Variants in CCSER1 observed in about 807,000 individuals in gnomAD.
CCSER1 encodes serine-rich coiled-coil domain-containing protein 1.
In CCSER1, 41 loss-of-function variants were observed where a neutral mutation model predicts 82.0. The ratio of observed to expected loss-of-function variants is 0.50; its 90% CI spans 0.39 to 0.65. The LOEUF (loss-of-function observed/expected upper bound fraction) is 0.65, where lower values mean the gene tolerates loss of function less well. Ranked by LOEUF, CCSER1 falls within the 30% of genes least tolerant of loss-of-function variation. CCSER1 has a pLI of 0.00. For synonymous variants in CCSER1, 414 were observed against 383.9 expected, an observed-to-expected ratio of 1.08 and a Z score of -0.92; for missense variants, 1,119 against 1,064.2, an observed-to-expected ratio of 1.05 and a Z score of -0.72.
At chr4:90,988,371 A>AAGAACAAG (rs1340081957) in intron 9 of CCSER1, among the ~76,000 whole-genome samples, 9 of 149,564 alleles carry the variant, frequency 6.0e-5, no homozygotes, top group Non-Finnish European at 1.2e-4. Flanking sequence ...AAAGAAAGAA[A>AAGAACAAG]AGAACAAGCT....
chr4:91,522,455 A>T (rs545806574), intron 10 of CCSER1, among the ~76,000 whole-genome samples: 1 of 152,264 alleles, frequency 6.6e-6, no homozygotes, highest in African/African-American at 2.4e-5. Flanking sequence ...TCTATAAATT[A>T]CCTTGGGCAG....
At chr4:90,176,954 G>A (rs1047821299) in intron 1 of CCSER1, among the ~76,000 whole-genome samples, 1 of 152,046 alleles carries the variant, frequency 6.6e-6, no homozygotes, top group African/African-American at 2.4e-5. Context: ...ACATGAGTTA[G>A]CATTACACTA....
At chr4:91,456,320 G>A (rs1214851580) in intron 10 of CCSER1, among the ~76,000 whole-genome samples, 1 of 152,004 alleles carries the variant, frequency 6.6e-6, no homozygotes, top group Non-Finnish European at 1.5e-5. Flanking sequence ...CTATCACAGA[G>A]GGGCTAGGGT....
intron 10 of CCSER1, among the ~76,000 whole-genome samples, chr4:91,176,835 G>C (rs950099542): frequency 5.3e-5 from 8 of 152,068 alleles, no homozygotes; most frequent in Admixed American, 5.2e-4. Flanking sequence ...TGATTGCCCT[G>C]GCCAGAACTT....
At chr4:90,839,300 A>C (rs1464486711) in intron 8 of CCSER1, among the ~76,000 whole-genome samples, 1 of 152,246 alleles carries the variant, frequency 6.6e-6, no homozygotes, top group East Asian at 1.9e-4. Flanking sequence ...AGATAAGTTT[A>C]TCAAACGTGT....
chr4:91,533,439 T>C (rs566116065), intron 10 of CCSER1, among the ~76,000 whole-genome samples: 20 of 152,300 alleles, frequency 1.3e-4, no homozygotes, highest in Admixed American at 7.9e-4. Flanking sequence ...GTTTCTTCTT[T>C]ATCCTTCCCA....
intron 4 of CCSER1, among the ~76,000 whole-genome samples, chr4:90,445,615 A>AAAAT (rs1760540478): frequency 6.6e-6 from 1 of 152,140 alleles, no homozygotes; most frequent in Non-Finnish European, 1.5e-5. Context: ...TAAGAATTTA[A>AAAAT]AAATCTGTTA....
rs1445564791 is a variant in CCSER1, at chr4:90,308,711, A to G, written c.427A>G (p.Thr143Ala). The G allele has an allele frequency of 3.1e-6, 5 of 1,613,650 alleles. No homozygotes were observed. The highest frequency in any genetic ancestry group is 4.5e-5 in the East Asian group (2 of 44,856). Residue 143 changes from threonine to alanine, a missense_variant, in exon 2 of 11, where the codon ACT becomes GCT. Thr to Ala is a moderately conservative substitution (Grantham distance 58, BLOSUM62 0). Transcript: ENST00000509176. ...EDFEREKEHS[T>A]NKNVFINCLS... The stretch of plus-strand genomic sequence containing the variant: ...TTTTGAAAGGGAAAAAGAGCACTCA[A>G]CTAACAAGAATGTCTTTATAAATTG...
chr4:91,103,416 A>G (rs1425098469), intron 10 of CCSER1, among the ~76,000 whole-genome samples: 1 of 152,196 alleles, frequency 6.6e-6, no homozygotes, highest in Non-Finnish European at 1.5e-5. Flanking sequence ...ATTACCTAAT[A>G]ATGAAAAAAA....
At chr4:90,321,146 A>C (rs1289301925) in intron 3 of CCSER1, among the ~76,000 whole-genome samples, 1 of 152,132 alleles carries the variant, frequency 6.6e-6, no homozygotes, top group Non-Finnish European at 1.5e-5. Flanking sequence ...ATTGTGCTAT[A>C]AAGTACTAGA....
chr4:90,315,550 G>A (rs1042112101), intron 3 of CCSER1, among the ~76,000 whole-genome samples: 1 of 151,906 alleles, frequency 6.6e-6, no homozygotes. Flanking sequence ...TGTCACCCAG[G>A]CTGGAGTGCA....
At chr4:90,530,702 C>T (rs1251108293) in intron 5 of CCSER1, among the ~76,000 whole-genome samples, 1 of 152,106 alleles carries the variant, frequency 6.6e-6, no homozygotes, top group East Asian at 1.9e-4. Flanking sequence ...ATAGGAAGAT[C>T]CTAGGTGAAA....
chr4:90,374,933 TC>T (rs1248197109), intron 3 of CCSER1, among the ~76,000 whole-genome samples: 1 of 152,144 alleles, frequency 6.6e-6, no homozygotes, highest in African/African-American at 2.4e-5. Context: ...CTCCCTACCA[TC>T]CACGATTATC....
chr4:91,101,411 G>A (rs1166125402), intron 10 of CCSER1, among the ~76,000 whole-genome samples: 1 of 152,196 alleles, frequency 6.6e-6, no homozygotes, highest in African/African-American at 2.4e-5. Context: ...AAATTTTGCT[G>A]GGGCAACCTC....
intron 6 of CCSER1, among the ~76,000 whole-genome samples, chr4:90,662,949 T>C (rs994602511): frequency 2.6e-5 from 4 of 152,158 alleles, no homozygotes; most frequent in Non-Finnish European, 5.9e-5. Flanking sequence ...GGCAACAAAA[T>C]CATATTTCTA....
rs1467550567 is a variant in CCSER1, at chr4:91,036,297, AT to A, written c.2173-49651del. On this transcript the variant is annotated intron_variant, in intron 9 of 10. Coordinates refer to ENST00000509176, the MANE Select transcript of CCSER1 (RefSeq NM_001145065.2). Reference sequence around the variant, plus strand: ...TTATTTACATAGGAATGTAAGTAAGATTGTTTCAAAATTAATTTGATGATTA... The same window carrying A: ...TTATTTACATAGGAATGTAAGTAAGATGTTTCAAAATTAATTTGATGATTA... 2.6e-5 allele frequency among the ~76,000 whole-genome samples: 4 copies of A among 152,194 alleles called. No individual in the cohort carries two copies. The South Asian group carries it at 6.2e-4, about 24-fold the overall frequency.
At chr4:90,335,065 C>T (rs1427458089) in intron 3 of CCSER1, among the ~76,000 whole-genome samples, 1 of 152,150 alleles carries the variant, frequency 6.6e-6, no homozygotes, top group South Asian at 2.1e-4. Context: ...TTGTAAGTAG[C>T]AGCGGGTTTT....
At chr4:90,704,566 T>G (rs963577984) in intron 6 of CCSER1, among the ~76,000 whole-genome samples, 1 of 152,186 alleles carries the variant, frequency 6.6e-6, no homozygotes, top group Non-Finnish European at 1.5e-5. Context: ...TCCTGCAGAG[T>G]GTTTTCCAAG....
At chr4:91,418,644 C>A (rs1457088849) in intron 10 of CCSER1, among the ~76,000 whole-genome samples, 2 of 151,850 alleles carry the variant, frequency 1.3e-5, no homozygotes, top group African/African-American at 2.4e-5. Flanking sequence ...CTCTACCAAG[C>A]CTTTAAAGAA....
Sources: gnomAD v4.1 joint callset for allele counts (sites outside exome capture counted in the v4.1 genomes callset) on GRCh38, gnomAD v4.1.1 for gene constraint, MANE v1.5 for transcripts, NCBI Gene and HGNC (gene_info 2026-07-23, HGNC 2026-07-21) for gene names.